The following RTEL1 variants were observed in gnomAD, a reference collection of about 807,000 sequenced individuals.
The protein encoded by RTEL1 is regulator of telomere length.
RTEL1 carries 86 observed loss-of-function variants against 162.2 expected under a neutral mutation model. The observed-to-expected ratio is 0.53, with a 90% CI of 0.45 to 0.63. The LOEUF is 0.63. Ranked by LOEUF, RTEL1 falls within the 30% of genes least tolerant of loss-of-function variation. The probability of loss-of-function intolerance (pLI) is 0.00; values close to 1 mark genes in which losing one functional copy is unlikely to be tolerated. For synonymous variants in RTEL1, 958 were observed against 717.9 expected, an observed-to-expected ratio of 1.33 and a Z score of -5.35; for missense variants, 1,941 against 1,750.2, an observed-to-expected ratio of 1.11 and a Z score of -1.95.
rs1568720196 is a variant in RTEL1 at position 63,693,483 on chromosome 20, ACCACCACCT to A, written c.2992+206_2992+214del. Among the ~76,000 whole-genome samples the A allele has an allele frequency of 5.9e-4, 21 of 35,890 alleles. 1 individual carries two copies. Among genetic ancestry groups the A allele is most frequent in the East Asian group, 2.2e-3 (3 of 1,346 alleles). 23.5% of individuals were successfully genotyped at this position (35,890 alleles called of 152,430 possible). On this transcript the variant is annotated intron_variant, in intron 30 of 34. Coordinates refer to ENST00000360203, the MANE Select transcript of RTEL1 (RefSeq NM_001283009.2). ...CACCTCCACCTCCACCTCCACCTCC[ACCACCACCT>A]CCACCTCCACCACCACCTCCTCCAC...
chr20:63,665,558 G>A (rs929016261), intron 6 of RTEL1, among the ~76,000 whole-genome samples: 1 of 152,216 alleles, frequency 6.6e-6, no homozygotes, highest in Non-Finnish European at 1.5e-5. Context: ...GGCCTGTTGT[G>A]GTTGGCAGGG....
chr20:63,688,062 T>C lies in RTEL1; in HGVS notation c.1595+12T>C. The C allele has an allele frequency of 6.2e-7, 1 of 1,611,814 alleles. No homozygotes were observed. Among genetic ancestry groups the C allele is most frequent in the Non-Finnish European group, 8.5e-7 (1 of 1,179,154 alleles). On this transcript the variant is annotated intron_variant, in intron 18 of 34. Coordinates refer to ENST00000360203, the MANE Select transcript of RTEL1 (RefSeq NM_001283009.2). ...GCGTTTGACAGACGGTGAGGGCCTGTCCCTGGGCCCTGCTGGGGTGGGAGG... is the reference window on the plus strand; with the variant it reads ...GCGTTTGACAGACGGTGAGGGCCTGCCCCTGGGCCCTGCTGGGGTGGGAGG...
chr20:63,658,070 G>C (rs976241369), upstream of RTEL1: 1 of 152,370 alleles, frequency 6.6e-6, no homozygotes, highest in African/African-American at 2.4e-5. Context: ...GTGGTGGCTC[G>C]GCCTAGAGAG....
intron 6 of RTEL1, 90 bp from the exon 7 acceptor site, chr20:63,665,914 G>A (rs2090116724): frequency 8.1e-7 from 1 of 1,233,678 alleles, no homozygotes. Context: ...TGCCCGCCGT[G>A]TAGGAGCCGT....
chr20:63,687,409 T>C, intron 16 of RTEL1: 1 of 538,376 alleles, frequency 1.9e-6, no homozygotes, highest in Non-Finnish European at 3.3e-6. Context: ...GCCTGGGGTC[T>C]GCCTCCTACT....
chr20:63,675,064 C>A (rs1030556686), intron 10 of RTEL1, among the ~76,000 whole-genome samples: 3 of 152,292 alleles, frequency 2.0e-5, no homozygotes, highest in East Asian at 3.9e-4. Context: ...TGCACCACCA[C>A]GCCCAGCTAA....
intron 10 of RTEL1, among the ~76,000 whole-genome samples, chr20:63,677,657 T>C (rs2090384225): frequency 6.6e-6 from 1 of 152,240 alleles, no homozygotes; most frequent in Non-Finnish European, 1.5e-5. Context: ...CTCCTCTTGG[T>C]GTCTCCAGTT....
chr20:63,663,520 C>A (rs1232397047), intron 6 of RTEL1, among the ~76,000 whole-genome samples: 3 of 152,180 alleles, frequency 2.0e-5, no homozygotes, highest in Non-Finnish European at 2.9e-5. Context: ...CTGTGAGGGC[C>A]GGGGGTGCTT....
At chr20:63,674,187 G>A in intron 10 of RTEL1, 94 bp downstream of exon 10, 1 of 1,507,224 alleles carries the variant, frequency 6.6e-7, no homozygotes, top group East Asian at 2.3e-5. Flanking sequence ...CAGCCCAGGT[G>A]CGTTCATAGC....
rs116641785 is a variant in RTEL1, at chr20:63,687,997, G to C, written c.1542G>C (p.Gly514=). Residue 514 remains glycine (G), a synonymous_variant, in exon 18 of 35, where the codon GGG becomes GGC. Transcript: ENST00000360203. The part of the protein sequence containing the change: ...HIIDKHQIWV[G]VVPRGPDGAQ... ...TCGACAAGCACCAGATCTGGGTGGG[G>C]GTCGTCCCCAGAGGCCCCGATGGAG... 30 of 1,612,834 alleles carry C rather than the reference G, an allele frequency of 1.9e-5. No homozygotes were observed. Among genetic ancestry groups the C allele is most frequent in the African/African-American group, 2.7e-5 (2 of 75,064 alleles).
chr20:63,667,524 A>T lies in RTEL1; in HGVS notation c.670A>T (p.Met224Leu), dbSNP rs2090160911. The T allele has an allele frequency of 1.2e-6, 2 of 1,613,768 alleles. No homozygotes were observed. The highest frequency in any genetic ancestry group is 1.7e-5 in the Admixed American group (1 of 59,990). ...GAAGCAGCAAGCCGACATCATATTC[A>T]TGCCGTACAATTACTTGTTGGATGC... is the stretch of plus-strand genomic sequence containing the variant. ...NLKQQADIIF[M>L]PYNYLLDAKS... The change falls in exon 8 of 35, where the codon ATG (methionine) becomes TTG (leucine). Residue 224 changes from methionine (M) to leucine (L), a missense_variant. Physicochemically the swap from Met to Leu is conservative, Grantham distance 15. Transcript: ENST00000360203.
At position 63,695,459 on chromosome 20, in the gene RTEL1, G is replaced by T; in HGVS notation, c.3631G>T (p.Gly1211Trp). The change falls in exon 34 of 35, where the codon GGG becomes TGG. Residue 1211 changes from glycine (G) to tryptophan (W), a missense_variant. Transcript: ENST00000360203. ...GPSQSSGPPHGPAASEWGEPH... is the reference protein window; with the variant it reads ...GPSQSSGPPHWPAASEWGEPH... Reference sequence around the variant, plus strand: ...CAGCCAGTCCTCAGGACCTCCCCACGGGCCTGCAGCATCTGAGTGGGGTGA... The same window carrying T: ...CAGCCAGTCCTCAGGACCTCCCCACTGGCCTGCAGCATCTGAGTGGGGTGA... The T allele has an allele frequency of 6.3e-7, 1 of 1,593,354 alleles. No individual in the cohort carries two copies.
At chr20:63,690,268 G>A (rs748283092) in intron 25 of RTEL1, 26 bp from the exon 26 acceptor site, 5 of 1,600,632 alleles carry the variant, frequency 3.1e-6, no homozygotes, top group African/African-American at 1.3e-5. Flanking sequence ...CCAGAAATGG[G>A]TCCACCCACC....
intron 34 of RTEL1, 46 bp from the exon 35 acceptor site, chr20:63,695,732 G>A: frequency 6.3e-7 from 1 of 1,598,840 alleles, no homozygotes; most frequent in Non-Finnish European, 8.5e-7. Context: ...CCTTGTCCTG[G>A]TGGCAACGCC....
chr20:63,689,862 A>C lies in RTEL1; in HGVS notation c.2138A>C (p.His713Pro). 1 of 1,607,812 alleles carries C rather than the reference A, an allele frequency of 6.2e-7. No homozygotes were observed. The highest frequency in any genetic ancestry group is 2.2e-5 in the East Asian group (1 of 44,874). The change falls in exon 24 of 35, where the codon CAC becomes CCC. Residue 713 changes from histidine to proline, a missense_variant. His to Pro is a moderately conservative substitution (Grantham distance 77). Transcript: ENST00000360203. ...TACGGAGCTGTCTTCCTCTGTGACC[A>C]CAGGTGCGTGCAGTCCGGTGGCAGG... ...QDYGAVFLCD[H>P]RFAFADARAQ...
chr20:63,677,680 G>A (rs1463932794), intron 10 of RTEL1, among the ~76,000 whole-genome samples: 1 of 152,250 alleles, frequency 6.6e-6, no homozygotes, highest in Non-Finnish European at 1.5e-5. Context: ...GATTTGGCCT[G>A]TGTAGCCTCT....
chr20:63,664,332 A>C (rs904469818), intron 6 of RTEL1, among the ~76,000 whole-genome samples: 9 of 152,172 alleles, frequency 5.9e-5, no homozygotes, highest in African/African-American at 2.2e-4. Context: ...GGTCCTTGGG[A>C]TAGCATGGAA....
At chr20:63,691,075 CAAGCGGGCGGGG>C in intron 27 of RTEL1, 128 bp downstream of exon 27, 3 of 1,047,068 alleles carry the variant, frequency 2.9e-6, no homozygotes, top group Non-Finnish European at 4.0e-6. Context: ...GGCAGGCGGG[CAAGCGGGCGGGG>C]GATCCCAGCT....
In RTEL1 at chr20:63,692,984, G is replaced by T; in HGVS notation, c.2832G>T (p.Lys944Asn). The T allele has an allele frequency of 2.5e-6, 4 of 1,612,614 alleles. No homozygotes were observed. The highest frequency in any genetic ancestry group is 3.4e-6 in the Non-Finnish European group (4 of 1,179,836). ...GCCCCCTCTTTGCTGAGGACCCCAA[G>T]AAGCACAACCTGCTCCAAGGTGCCC... ...CLGPLFAEDP[K>N]KHNLLQGFYQ... Residue 944 changes from lysine to asparagine, a missense_variant, in exon 29 of 35, where the codon AAG (lysine) becomes AAT (asparagine). Coordinates refer to ENST00000360203, the MANE Select transcript of RTEL1 (RefSeq NM_001283009.2).
Sources: gnomAD v4.1 joint callset for allele counts (sites outside exome capture counted in the v4.1 genomes callset) on GRCh38, gnomAD v4.1.1 for gene constraint, MANE v1.5 for transcripts, NCBI Gene and HGNC (gene_info 2026-07-23, HGNC 2026-07-21) for gene names.